AJAP1: variants seen among roughly 807,000 people sequenced by gnomAD.
AJAP1 encodes adherens junctions associated protein 1, also known as adherens junction-associated protein 1.
In AJAP1, 5 loss-of-function variants were observed where a neutral mutation model predicts 35.0. That is an observed-to-expected ratio of 0.14 (90% confidence interval 0.07 to 0.30). The LOEUF (loss-of-function observed/expected upper bound fraction) is 0.30, where lower values mean the gene tolerates loss of function less well. Ranked by LOEUF, AJAP1 falls within the 10% of genes least tolerant of loss-of-function variation. The pLI is 1.00. For synonymous variants in AJAP1, 284 were observed against 249.3 expected (o/e 1.14, Z -1.31); for missense variants, 586 against 571.0 (o/e 1.03, Z -0.27).
chr1:4,729,743 G>A (rs540225726), intron 2 of AJAP1, among the ~76,000 whole-genome samples: 1 of 152,178 alleles, frequency 6.6e-6, no homozygotes, highest in Non-Finnish European at 1.5e-5. Context: ...TCCAAATAAG[G>A]TCACAGTTCA....
At chr1:4,729,349 C>T (rs1173632712) in intron 2 of AJAP1, among the ~76,000 whole-genome samples, 1 of 152,202 alleles carries the variant, frequency 6.6e-6, no homozygotes. Context: ...CTGGCCAGTG[C>T]GGGCTGCCCT....
At chr1:4,776,810 C>T (rs939293917) in intron 5 of AJAP1, among the ~76,000 whole-genome samples, 3 of 152,198 alleles carry the variant, frequency 2.0e-5, no homozygotes, top group African/African-American at 7.2e-5. Context: ...GGCATTTACA[C>T]AAGGAAACAT....
chr1:4,750,349 A>T (rs981621986), intron 2 of AJAP1, among the ~76,000 whole-genome samples: 1 of 152,228 alleles, frequency 6.6e-6, no homozygotes, highest in African/African-American at 2.4e-5. Context: ...CTGGCTGTTC[A>T]CTGCTCTGGA....
intron 2 of AJAP1, among the ~76,000 whole-genome samples, chr1:4,756,666 G>A (rs1487453018): frequency 3.9e-5 from 6 of 152,204 alleles, no homozygotes; most frequent in Admixed American, 6.5e-5. Context: ...CAGACGCTTA[G>A]GTTCTGTGCA....
Position 4,693,794 on chromosome 1 carries a change from G to A in AJAP1, c.30-18106G>A, listed in dbSNP as rs1012642472. On this transcript the variant is annotated intron_variant, in intron 1 of 5. Coordinates refer to ENST00000378191, the MANE Select transcript of AJAP1 (RefSeq NM_018836.4). The surrounding 1 kb of genome is among the most constrained non-coding windows in gnomAD (Gnocchi z 4.4). ...CAGGAGGGCAAGAGAGCACATGGAG[G>A]GGAGGAAGGGGCCAAACGCGTCCTT... Among the ~76,000 whole-genome samples the A allele has an allele frequency of 3.3e-5, 5 of 152,208 alleles. No homozygotes were observed. The East Asian group carries it at 9.6e-4, about 29-fold the overall frequency.
Position 4,693,415 on chromosome 1 carries a change from G to A in AJAP1, c.30-18485G>A, listed in dbSNP as rs983346124. 1.3e-5 allele frequency among the ~76,000 whole-genome samples: 2 copies of A among 152,098 alleles called. No homozygotes were observed. Among genetic ancestry groups the A allele is most frequent in the Non-Finnish European group, 2.9e-5 (2 of 67,992 alleles). On this transcript the variant is annotated intron_variant, in intron 1 of 5. Transcript: ENST00000378191. The surrounding 1 kb of genome is among the most constrained non-coding windows in gnomAD (Gnocchi z 4.4). ...GGGGGAGGGATTGGAGGAGGCCTAA[G>A]CAGGAGCAGGTAGGGCTTCTGGGCT...
At chr1:4,692,000 G>A (rs1639750499) in intron 1 of AJAP1, among the ~76,000 whole-genome samples, 1 of 152,172 alleles carries the variant, frequency 6.6e-6, no homozygotes, top group South Asian at 2.1e-4. Flanking sequence ...CGGGGTTGGA[G>A]GGAGCCAAGA....
Position 4,656,395 on chromosome 1 carries a change from G to A in AJAP1, c.29+941G>A, listed in dbSNP as rs1389353389. On this transcript the variant is annotated intron_variant, in intron 1 of 5. Coordinates refer to ENST00000378191, the MANE Select transcript of AJAP1 (RefSeq NM_018836.4). The surrounding 1 kb of genome is among the most constrained non-coding windows in gnomAD (Gnocchi z 5.7). ...ACCGAGCTCGTGCATTTGGGTCCCG[G>A]GTTGGAACCGCGAGCGGGGAGGACA... Among the ~76,000 whole-genome samples the A allele has an allele frequency of 6.6e-6, 1 of 152,240 alleles. No homozygotes were observed. The highest frequency in any genetic ancestry group is 1.5e-5 in the Non-Finnish European group (1 of 68,040).
intron 2 of AJAP1, among the ~76,000 whole-genome samples, chr1:4,724,663 C>A (rs1640608199): frequency 6.9e-6 from 1 of 145,082 alleles, no homozygotes; most frequent in Non-Finnish European, 1.5e-5. Flanking sequence ...AAACTCACAC[C>A]CCCAGATCCT....
chr1:4,677,082 G>A (rs1310249831), intron 1 of AJAP1, among the ~76,000 whole-genome samples: 2 of 152,196 alleles, frequency 1.3e-5, no homozygotes, highest in African/African-American at 4.8e-5. Context: ...GCTTGAACCT[G>A]GGAGGCGGAG....
chr1:4,766,692 G>T (rs72639923), intron 2 of AJAP1, among the ~76,000 whole-genome samples: 3 of 152,292 alleles, frequency 2.0e-5, no homozygotes, highest in South Asian at 2.1e-4. Context: ...GTCTGTGCAG[G>T]GTTTGGTAAA....
intron 2 of AJAP1, among the ~76,000 whole-genome samples, chr1:4,732,644 G>A (rs1242152303): frequency 6.6e-6 from 1 of 152,274 alleles, no homozygotes; most frequent in South Asian, 2.1e-4. Context: ...GCCTGTGCAG[G>A]CAGGTGAGAG....
intron 2 of AJAP1, among the ~76,000 whole-genome samples, chr1:4,767,195 C>T (rs1442344748): frequency 6.6e-6 from 1 of 152,176 alleles, no homozygotes; most frequent in Non-Finnish European, 1.5e-5. Flanking sequence ...ATACATCATG[C>T]AGCTAAGATC....
At chr1:4,725,142 TTGGG>T (rs1425998899) in intron 2 of AJAP1, among the ~76,000 whole-genome samples, 1 of 152,076 alleles carries the variant, frequency 6.6e-6, no homozygotes, top group Non-Finnish European at 1.5e-5. Context: ...TCCCTGGGTG[TTGGG>T]TGCAGACAGC....
At chr1:4,697,856 C>T (rs999415527) in intron 1 of AJAP1, among the ~76,000 whole-genome samples, 13 of 152,248 alleles carry the variant, frequency 8.5e-5, no homozygotes, top group Non-Finnish European at 4.4e-5. Flanking sequence ...CCTGCCTGGT[C>T]CTGGGCCTGT....
chr1:4,664,553 A>G (rs1158098465), intron 1 of AJAP1, among the ~76,000 whole-genome samples: 1 of 152,136 alleles, frequency 6.6e-6, no homozygotes, highest in African/African-American at 2.4e-5. Flanking sequence ...GCTGATCCCC[A>G]CCATCAGCTG....
At chr1:4,671,263 G>A (rs1294522899) in intron 1 of AJAP1, among the ~76,000 whole-genome samples, 1 of 152,094 alleles carries the variant, frequency 6.6e-6, no homozygotes, top group Non-Finnish European at 1.5e-5. Context: ...CAGCTACTAG[G>A]GAGGCTGAGG....
At chr1:4,696,366 G>A (rs753335672) in intron 1 of AJAP1, among the ~76,000 whole-genome samples, 6 of 152,190 alleles carry the variant, frequency 3.9e-5, no homozygotes, top group Middle Eastern at 3.2e-3. Flanking sequence ...AACAGCTTCC[G>A]GATGCGATGA....
In AJAP1 at chr1:4,792,221, A is replaced by G. The variant is rs1570245073; in HGVS notation, c.*9736A>G. The G allele has an allele frequency of 6.6e-6, 1 of 152,008 alleles. No homozygotes were observed. The highest frequency in any genetic ancestry group is 1.9e-4 in the East Asian group (1 of 5,174). The allele number at this position is 152,008 out of a possible 1,614,324, so 9.4% of individuals were successfully genotyped here. ...CACAGCTGTCTCTATAGACGTATTT[A>G]TATATCATCTTCTTGAGAGAGTTAA... is the stretch of plus-strand genomic sequence containing the variant. On this transcript the variant is annotated 3_prime_UTR_variant, in exon 6 of 6. Transcript: ENST00000378191.
Sources: gnomAD v4.1 joint callset for allele counts (sites outside exome capture counted in the v4.1 genomes callset) on GRCh38, gnomAD v4.1.1 for gene constraint, Gnocchi (gnomAD v3.1) non-coding constraint, MANE v1.5 for transcripts, NCBI Gene and HGNC (gene_info 2026-07-23, HGNC 2026-07-21) for gene names.